The following ATP9B variants were observed in gnomAD, a reference collection of about 807,000 sequenced individuals.
ATP9B encodes probable phospholipid-transporting ATPase IIB.
In ATP9B, 110 loss-of-function variants were observed where a neutral mutation model predicts 146.1. The observed-to-expected ratio is 0.75, with a 90% CI of 0.65 to 0.88. The LOEUF is 0.88. Among genes scored for constraint, ATP9B ranks in the 40% least tolerant of loss-of-function variants. The pLI, the probability that ATP9B is intolerant of heterozygous loss-of-function variation, is 0.00. For synonymous variants in ATP9B, 604 were observed against 569.7 expected (o/e 1.06, Z -0.86); for missense variants, 1,499 against 1,496.4 (o/e 1.00, Z -0.03).
intron 15 of ATP9B, among the ~76,000 whole-genome samples, chr18:79,322,882 G>T (rs116190163): frequency 0.024 from 3,727 of 152,308 alleles, 154 homozygotes; most frequent in African/African-American, 0.084. Flanking sequence ...GACAGAGTCA[G>T]ACCGTCCTGA....
intron 9 of ATP9B, among the ~76,000 whole-genome samples, chr18:79,200,756 T>G (rs2095472592): frequency 7.2e-5 from 11 of 152,180 alleles, no homozygotes; most frequent in South Asian, 2.1e-4. Flanking sequence ...GAGGTGGAGG[T>G]GGGAACGTTG....
At chr18:79,147,163 A>C (rs1568275174) in intron 6 of ATP9B, among the ~76,000 whole-genome samples, 1 of 152,390 alleles carries the variant, frequency 6.6e-6, no homozygotes, top group East Asian at 1.9e-4. Flanking sequence ...TACAATGATC[A>C]TAAATTGTTA....
At chr18:79,287,738 T>C (rs1252174749) in intron 13 of ATP9B, among the ~76,000 whole-genome samples, 4 of 152,144 alleles carry the variant, frequency 2.6e-5, no homozygotes, top group African/African-American at 9.7e-5. Flanking sequence ...TTTCCTGCTT[T>C]CTCTTGTGGG....
intron 1 of ATP9B, among the ~76,000 whole-genome samples, chr18:79,076,337 T>C (rs965870641): frequency 1.3e-5 from 2 of 152,224 alleles, no homozygotes; most frequent in Admixed American, 1.3e-4. Context: ...TTAGGGTAAG[T>C]CTACTGGAAA....
chr18:79,197,313 T>A (rs2095425837), intron 9 of ATP9B, among the ~76,000 whole-genome samples: 2 of 152,014 alleles, frequency 1.3e-5, no homozygotes, highest in South Asian at 4.2e-4. Context: ...TGAATCTGTT[T>A]GATATGTTTG....
intron 23 of ATP9B, 134 bp from the exon 24 acceptor site, chr18:79,347,636 A>G (rs1406071283): frequency 1.8e-6 from 2 of 1,084,758 alleles, no homozygotes; most frequent in South Asian, 4.1e-5. Flanking sequence ...CCATCGACGG[A>G]GCTGAAGCTT....
At chr18:79,206,869 G>C (rs984763328) in intron 9 of ATP9B, 68 bp from the exon 10 acceptor site, 6 of 1,436,620 alleles carry the variant, frequency 4.2e-6, no homozygotes, top group Non-Finnish European at 4.8e-6. Context: ...CTAATACTGA[G>C]GTTATATAAG....
chr18:79,092,640 CTTTTT>C (rs145337759), intron 1 of ATP9B, among the ~76,000 whole-genome samples: 2 of 118,276 alleles, frequency 1.7e-5, no homozygotes, highest in African/African-American at 3.2e-5. Flanking sequence ...TTTACTTAAA[CTTTTT>C]TTTTTTTTTT....
intron 13 of ATP9B, among the ~76,000 whole-genome samples, chr18:79,290,558 T>C (rs2096492780): frequency 6.6e-6 from 1 of 152,254 alleles, no homozygotes; most frequent in Non-Finnish European, 1.5e-5. Context: ...CCCTGACCCT[T>C]GCTCTTCCCG....
chr18:79,280,528 G>T (rs2096365158), intron 13 of ATP9B, among the ~76,000 whole-genome samples: 1 of 152,158 alleles, frequency 6.6e-6, no homozygotes, highest in African/African-American at 2.4e-5. Context: ...GATACAGGGA[G>T]ATATTGATTA....
chr18:79,264,136 G>T (rs906796059), intron 12 of ATP9B, among the ~76,000 whole-genome samples: 1 of 152,150 alleles, frequency 6.6e-6, no homozygotes, highest in Non-Finnish European at 1.5e-5. Context: ...CTACTTGGCT[G>T]TGTTATTTGT....
chr18:79,255,942 G>A (rs565784105), intron 12 of ATP9B, among the ~76,000 whole-genome samples: 4 of 152,208 alleles, frequency 2.6e-5, no homozygotes, highest in Admixed American at 2.0e-4. Context: ...GACACAGAAC[G>A]TGTTTGGGAT....
chr18:79,324,473 G>A (rs1397417936), intron 15 of ATP9B, among the ~76,000 whole-genome samples: 1 of 152,060 alleles, frequency 6.6e-6, no homozygotes, highest in Non-Finnish European at 1.5e-5. Flanking sequence ...ACCCATATAA[G>A]GGTGTCTTTT....
At chr18:79,306,284 C>T (rs1235914604) in intron 14 of ATP9B, among the ~76,000 whole-genome samples, 1 of 152,152 alleles carries the variant, frequency 6.6e-6, no homozygotes, top group Non-Finnish European at 1.5e-5. Flanking sequence ...CCCTCCGCCA[C>T]GTAGGAGGTG....
chr18:79,322,241 G>C (rs566445741), intron 15 of ATP9B, among the ~76,000 whole-genome samples: 2 of 152,198 alleles, frequency 1.3e-5, no homozygotes, highest in African/African-American at 4.8e-5. Flanking sequence ...TTCAAGCCCC[G>C]TGGGTGACAC....
At chr18:79,142,784 T>C (rs75033521) in intron 5 of ATP9B, among the ~76,000 whole-genome samples, 1 of 152,224 alleles carries the variant, frequency 6.6e-6, no homozygotes, top group Non-Finnish European at 1.5e-5. Flanking sequence ...AGTTTTGATA[T>C]ATCCAAATCT....
intron 9 of ATP9B, among the ~76,000 whole-genome samples, chr18:79,203,524 A>G (rs1009203729): frequency 6.6e-6 from 1 of 152,204 alleles, no homozygotes; most frequent in African/African-American, 2.4e-5. Flanking sequence ...TGGATATTAG[A>G]AAAAGAATTT....
At chr18:79,186,170 C>T (rs1436286712) in intron 8 of ATP9B, among the ~76,000 whole-genome samples, 3 of 152,164 alleles carry the variant, frequency 2.0e-5, no homozygotes, top group South Asian at 4.2e-4. Flanking sequence ...TCAAAAGATC[C>T]GTATAGCAGT....
intron 5 of ATP9B, among the ~76,000 whole-genome samples, chr18:79,137,686 C>T (rs2094464115): frequency 6.6e-6 from 1 of 152,224 alleles, no homozygotes; most frequent in Admixed American, 6.5e-5. Context: ...TGCCCTGGCC[C>T]TTCCTTCAGC....
Sources: allele counts gnomAD v4.1 joint callset (sites outside exome capture counted in the v4.1 genomes callset), GRCh38; gene constraint gnomAD v4.1.1; transcripts MANE v1.5; gene names NCBI Gene and HGNC (gene_info 2026-07-23, HGNC 2026-07-21).